The following ERVH48-1 variants were observed in gnomAD, a reference collection of about 807,000 sequenced individuals.
ERVH48-1 encodes the protein suppressyn.
ERVH48-1 carries 4 observed loss-of-function variants against 2.4 expected under a neutral mutation model. The observed-to-expected ratio is 1.68, with a 90% CI of 0.83 to 3.84. The LOEUF is 3.84. Ranked by LOEUF, ERVH48-1 falls within the 30% of genes most tolerant of loss-of-function variation. The pLI, the probability that ERVH48-1 is intolerant of heterozygous loss-of-function variation, is 0.01. For missense variants in ERVH48-1, 97 were observed against 43.4 expected (o/e 2.23, Z -3.47); for synonymous variants, 32 against 15.5 (o/e 2.06, Z -2.49).
At chr21:42,920,208 A>G (rs988300000) in intron 1 of ERVH48-1, among the ~76,000 whole-genome samples, 73 of 152,116 alleles carry the variant, frequency 4.8e-4, no homozygotes, top group Non-Finnish European at 9.1e-4. Flanking sequence ...TCCTTGACAT[A>G]CCGTGGTCCT....
In ERVH48-1 at chr21:42,919,272, G is replaced by A; in HGVS notation, c.-266C>T. ...GTAGCTTTTTGTGAGGGTCAGTTTG[G>A]CCGATAAACACGTCTGTGCCTGCAA... On this transcript the variant is annotated 5_prime_UTR_variant, in exon 2 of 2. Coordinates refer to ENST00000447535, the MANE Select transcript of ERVH48-1 (RefSeq NM_001308491.2). 3.8e-6 allele frequency: 1 copy of A among 259,938 alleles called. No homozygotes were observed. The allele number at this position is 259,938 out of a possible 1,614,324, so 16.1% of individuals were successfully genotyped here.
In ERVH48-1 at chr21:42,918,949, T is replaced by C; in HGVS notation, c.58A>G (p.Met20Val). 1 of 721,032 alleles carries C rather than the reference T, an allele frequency of 1.4e-6. No homozygotes were observed. Among genetic ancestry groups the C allele is most frequent in the Non-Finnish European group, 2.1e-6 (1 of 469,456 alleles). 44.7% of individuals were successfully genotyped at this position (721,032 alleles called of 1,614,324 possible). A position where few individuals can be genotyped will look rare whatever the true frequency, so the allele number is the denominator to read the frequency against. ...YTSLPTKSLN[M>V]GISLTTILIL... ...AGGATCGTGGTGAGGGATATTCCCA[T>C]ATTAAGACTTTTGGTTGGAAGAGAG... The change falls in exon 2 of 2, where the codon ATG (methionine) becomes GTG (valine). Residue 20 changes from methionine (M) to valine (V), a missense_variant. Physicochemically the swap from Met to Val is conservative, Grantham distance 21. Transcript: ENST00000447535.
At chr21:42,920,099 G>A (rs1241948804) in intron 1 of ERVH48-1, among the ~76,000 whole-genome samples, 1 of 47,738 alleles carries the variant, frequency 2.1e-5, no homozygotes. Context: ...TGAGGATAGG[G>A]CAGAGACGTT....
At position 42,917,461 on chromosome 21, in the gene ERVH48-1, C is replaced by T. The variant is rs1443997207; in HGVS notation, c.*1063G>A. The T allele has an allele frequency of 1.3e-5, 2 of 152,180 alleles. No homozygotes were observed. Among genetic ancestry groups the T allele is most frequent in the Admixed American group, 1.3e-4 (2 of 15,272 alleles). The allele number at this position is 152,180 out of a possible 1,614,324, so 9.4% of individuals were successfully genotyped here. A position where few individuals can be genotyped will look rare whatever the true frequency, so the allele number is the denominator to read the frequency against. On this transcript the variant is annotated 3_prime_UTR_variant, in exon 2 of 2. Transcript: ENST00000447535. Reference sequence around the variant, plus strand: ...GGGTCCCATCCCTCCCAGGTTTGGACTGGTACACGGGCTACTTTTCTGATG... The same window carrying T: ...GGGTCCCATCCCTCCCAGGTTTGGATTGGTACACGGGCTACTTTTCTGATG...
At chr21:42,921,951 G>A (rs1258655715) in intron 1 of ERVH48-1, among the ~76,000 whole-genome samples, 1 of 152,194 alleles carries the variant, frequency 6.6e-6, no homozygotes. Context: ...TATGGGTTAG[G>A]GACTACTGGA....
At chr21:42,922,816 G>T (rs1157523944) in intron 1 of ERVH48-1, among the ~76,000 whole-genome samples, 1 of 151,644 alleles carries the variant, frequency 6.6e-6, no homozygotes, top group African/African-American at 2.4e-5. Flanking sequence ...GGGGGGCTCG[G>T]GATTTGGAGA....
At chr21:42,925,179 C>T (rs907092716) in intron 1 of ERVH48-1, among the ~76,000 whole-genome samples, 167 bp downstream of exon 1, 2 of 152,154 alleles carry the variant, frequency 1.3e-5, no homozygotes, top group African/African-American at 4.8e-5. Context: ...CTCCTGATCT[C>T]GTGAATCCAA....
At chr21:42,922,632 C>T (rs1161505863) in intron 1 of ERVH48-1, among the ~76,000 whole-genome samples, 16 of 147,998 alleles carry the variant, frequency 1.1e-4, no homozygotes, top group Non-Finnish European at 2.1e-4. Context: ...CCCAGCTACT[C>T]GGGAGGCTGA....
intron 1 of ERVH48-1, among the ~76,000 whole-genome samples, chr21:42,924,716 G>A (rs903913511): frequency 6.6e-6 from 1 of 152,174 alleles, no homozygotes; most frequent in Non-Finnish European, 1.5e-5. Flanking sequence ...AGGTTTGCAG[G>A]TTTTTCATGA....
At position 42,918,775 on chromosome 21, in the gene ERVH48-1, C is replaced by G. The variant is rs1179692336; in HGVS notation, c.232G>C (p.Glu78Gln). The change falls in exon 2 of 2, where the codon GAA becomes CAA. Residue 78 changes from glutamate to glutamine, a missense_variant. Coordinates refer to ENST00000447535, the MANE Select transcript of ERVH48-1 (RefSeq NM_001308491.2). The part of the protein sequence containing the change: ...ERSCYGNLIE[E>Q]CVESGKSYYK... The stretch of plus-strand genomic sequence containing the variant: ...TAACTCTTTCCTGATTCAACACATT[C>G]CTCGATTAAGTTTCCATAACAGGAT... 4.4e-6 allele frequency: 2 copies of G among 456,602 alleles called. No homozygotes were observed. The highest frequency in any genetic ancestry group is 8.8e-6 in the Non-Finnish European group (2 of 226,992). 28.3% of individuals were successfully genotyped at this position (456,602 alleles called of 1,614,324 possible).
intron 1 of ERVH48-1, among the ~76,000 whole-genome samples, chr21:42,920,308 C>G (rs1172216409): frequency 6.6e-6 from 1 of 152,154 alleles, no homozygotes; most frequent in East Asian, 1.9e-4. Context: ...ACTGGCCTTG[C>G]ACGGGTTGTA....
At position 42,916,976 on chromosome 21, in the gene ERVH48-1, G is replaced by A. The variant is rs2058790562; in HGVS notation, c.*1548C>T. The A allele has an allele frequency of 6.6e-6, 1 of 152,556 alleles. No individual in the cohort carries two copies. Among genetic ancestry groups the A allele is most frequent in the African/African-American group, 2.4e-5 (1 of 41,550 alleles). The allele number at this position is 152,556 out of a possible 1,614,324, so 9.5% of individuals were successfully genotyped here. On this transcript the variant is annotated 3_prime_UTR_variant, in exon 2 of 2. Coordinates refer to ENST00000447535, the MANE Select transcript of ERVH48-1 (RefSeq NM_001308491.2). ...AGGGCGACCTCCCTCTTGATCTTCA[G>A]GGGGTACGTGTCTTCCAGCCAGCTC... is the stretch of plus-strand genomic sequence containing the variant.
Position 42,916,911 on chromosome 21 carries a change from C to T in ERVH48-1, c.*1613G>A, listed in dbSNP as rs1322644723. 3.3e-5 allele frequency: 5 copies of T among 153,740 alleles called. No individual in the cohort carries two copies. Among genetic ancestry groups the T allele is most frequent in the Non-Finnish European group, 7.2e-5 (5 of 69,186 alleles). 9.5% of individuals were successfully genotyped at this position (153,740 alleles called of 1,614,324 possible). On this transcript the variant is annotated 3_prime_UTR_variant, in exon 2 of 2. Transcript: ENST00000447535. Reference sequence around the variant, plus strand: ...CAGGGGTTTTATAGTCCTCTGTAAACAGGAATTGTCCCAGCCTAACGTGAC... The same window carrying T: ...CAGGGGTTTTATAGTCCTCTGTAAATAGGAATTGTCCCAGCCTAACGTGAC...
chr21:42,920,107 G>A (rs1036617590), intron 1 of ERVH48-1, among the ~76,000 whole-genome samples: 14 of 150,332 alleles, frequency 9.3e-5, no homozygotes, highest in South Asian at 6.4e-4. Context: ...GGGCAGAGAC[G>A]TTGCAGGACA....
At chr21:42,924,848 C>T (rs12482137) in intron 1 of ERVH48-1, among the ~76,000 whole-genome samples, 5 of 151,994 alleles carry the variant, frequency 3.3e-5, no homozygotes, top group African/African-American at 1.2e-4. Flanking sequence ...ATAAAAGGAG[C>T]GTTTGTCACC....
chr21:42,917,769 G>A lies in ERVH48-1; in HGVS notation c.*755C>T, dbSNP rs930193302. On this transcript the variant is annotated 3_prime_UTR_variant, in exon 2 of 2. Coordinates refer to ENST00000447535, the MANE Select transcript of ERVH48-1 (RefSeq NM_001308491.2). ...ACCCCATGAACCATCCTCTGCCCAA[G>A]TGGCAGGACCATAGTATTCAATGAT... is the stretch of plus-strand genomic sequence containing the variant. 6.6e-6 allele frequency: 1 copy of A among 152,252 alleles called. No homozygotes were observed. The highest frequency in any genetic ancestry group is 2.4e-5 in the African/African-American group (1 of 41,454). The allele number at this position is 152,252 out of a possible 1,614,324, so 9.4% of individuals were successfully genotyped here.
At position 42,919,149 on chromosome 21, in the gene ERVH48-1, C is replaced by T. The variant is rs930294449; in HGVS notation, c.-143G>A. On this transcript the variant is annotated 5_prime_UTR_variant, in exon 2 of 2. Coordinates refer to ENST00000447535, the MANE Select transcript of ERVH48-1 (RefSeq NM_001308491.2). Reference sequence around the variant, plus strand: ...AGGAAGAAGCTGCCTTGGGGGTGAGCTTGACCCTGGTGCGATGGATCCAGT... The same window carrying T: ...AGGAAGAAGCTGCCTTGGGGGTGAGTTTGACCCTGGTGCGATGGATCCAGT... The T allele has an allele frequency of 1.1e-5, 12 of 1,065,974 alleles. No individual in the cohort carries two copies. The highest frequency in any genetic ancestry group is 1.3e-5 in the Non-Finnish European group (11 of 829,666). The allele number at this position is 1,065,974 out of a possible 1,614,324, so 66.0% of individuals were successfully genotyped here. A position where few individuals can be genotyped will look rare whatever the true frequency, so the allele number is the denominator to read the frequency against.
chr21:42,920,424 G>A (rs1009736533), intron 1 of ERVH48-1, among the ~76,000 whole-genome samples: 24 of 152,308 alleles, frequency 1.6e-4, no homozygotes, highest in African/African-American at 5.5e-4. Flanking sequence ...TTCTGCGGGA[G>A]CCTGGCAACC....
At chr21:42,924,077 C>T (rs2058814308) in intron 1 of ERVH48-1, among the ~76,000 whole-genome samples, 1 of 151,882 alleles carries the variant, frequency 6.6e-6, no homozygotes, top group Non-Finnish European at 1.5e-5. Context: ...TGAGTATAGG[C>T]GGGAAAGAAA....
Sources: gnomAD v4.1 joint callset for allele counts (sites outside exome capture counted in the v4.1 genomes callset) on GRCh38, gnomAD v4.1.1 for gene constraint, MANE v1.5 for transcripts, NCBI Gene and HGNC (gene_info 2026-07-23, HGNC 2026-07-21) for gene names.